ALK: variants seen among roughly 807,000 people sequenced by gnomAD.
The protein encoded by ALK is ALK receptor tyrosine kinase, also known as ALK tyrosine kinase receptor.
A neutral mutation model predicts 163.1 loss-of-function variants in ALK; 74 were observed. That is an observed-to-expected ratio of 0.45 (90% CI 0.38 to 0.55). The LOEUF (loss-of-function observed/expected upper bound fraction) is 0.55. Among genes scored for constraint, ALK ranks in the 20% least tolerant of loss-of-function variants. The pLI is 0.00. For synonymous variants in ALK, 960 were observed against 843.2 expected, an observed-to-expected ratio of 1.14 and a Z score of -2.40; for missense variants, 2,063 against 2,105.3, an observed-to-expected ratio of 0.98 and a Z score of 0.39.
At chr2:29,291,865 A>G (rs1397908047) in intron 9 of ALK, among the ~76,000 whole-genome samples, 2 of 152,230 alleles carry the variant, frequency 1.3e-5, no homozygotes, top group African/African-American at 4.8e-5. Context: ...TGCCTTTCTC[A>G]TCACAGAAAG....
At chr2:29,654,756 T>C (rs1446340034) in intron 3 of ALK, among the ~76,000 whole-genome samples, 12 of 152,146 alleles carry the variant, frequency 7.9e-5, no homozygotes, top group African/African-American at 2.7e-4. Context: ...AATTAAGAGT[T>C]CTTATTTTTA....
At chr2:29,754,724 C>G (rs1680465356) in intron 1 of ALK, among the ~76,000 whole-genome samples, 1 of 151,840 alleles carries the variant, frequency 6.6e-6, no homozygotes, top group Non-Finnish European at 1.5e-5. Context: ...AAGTAGAGCT[C>G]TAAACTTGTC....
intron 3 of ALK, among the ~76,000 whole-genome samples, chr2:29,631,931 A>G (rs1312452642): frequency 6.6e-6 from 1 of 152,240 alleles, no homozygotes; most frequent in Non-Finnish European, 1.5e-5. Context: ...TCACGTGCAC[A>G]TCTCACACAT....
At chr2:29,511,976 T>G (rs1323298087) in intron 4 of ALK, among the ~76,000 whole-genome samples, 1 of 152,204 alleles carries the variant, frequency 6.6e-6, no homozygotes, top group African/African-American at 2.4e-5. Context: ...GATGTAAGTA[T>G]AGCTAATATT....
chr2:29,661,337 C>A (rs1453250115), intron 3 of ALK, among the ~76,000 whole-genome samples: 6 of 152,114 alleles, frequency 3.9e-5, no homozygotes, highest in African/African-American at 1.4e-4. Context: ...TTCTAACAGG[C>A]CAGAAGATTA....
At chr2:29,637,285 T>C (rs1228125217) in intron 3 of ALK, among the ~76,000 whole-genome samples, 1 of 152,162 alleles carries the variant, frequency 6.6e-6, no homozygotes, top group Non-Finnish European at 1.5e-5. Context: ...GTGTGAAAAC[T>C]TAGATACATC....
At chr2:29,714,798 G>A (rs1020711599) in intron 2 of ALK, among the ~76,000 whole-genome samples, 1 of 152,124 alleles carries the variant, frequency 6.6e-6, no homozygotes, top group Non-Finnish European at 1.5e-5. Flanking sequence ...TGTCTTTCAC[G>A]GCAGTTGAAA....
rs1011227544 is a variant in ALK, at chr2:29,752,782, T to C, written c.668-35085A>G. Among the ~76,000 whole-genome samples, 66 of 152,302 alleles carry C rather than the reference T, an allele frequency of 4.3e-4. 1 individual carries two copies. Among genetic ancestry groups the C allele is most frequent in the Non-Finnish European group, 7.1e-4 (48 of 68,016 alleles). On this transcript the variant is annotated intron_variant, in intron 1 of 28. Transcript: ENST00000389048. ...GCAGAATAGCCCTGAAGGTTCTCCT[T>C]CCTGGAAGAAGGAGCAACAGTCTTG...
chr2:29,523,036 G>A (rs1211384878), intron 4 of ALK, among the ~76,000 whole-genome samples: 1 of 152,100 alleles, frequency 6.6e-6, no homozygotes, highest in Non-Finnish European at 1.5e-5. Context: ...CTTTTGTGGA[G>A]AGGGATGGGC....
At chr2:29,336,039 A>AAAAC (rs1017962732) in intron 5 of ALK, among the ~76,000 whole-genome samples, 4 of 152,272 alleles carry the variant, frequency 2.6e-5, no homozygotes, top group South Asian at 2.1e-4. Context: ...ACTGTCTCAA[A>AAAAC]AAACAAACAA....
intron 3 of ALK, among the ~76,000 whole-genome samples, chr2:29,572,373 A>G (rs1340561290): frequency 1.3e-5 from 2 of 152,102 alleles, no homozygotes; most frequent in African/African-American, 4.8e-5. Flanking sequence ...TCAGGATTGA[A>G]CTCAAACTCC....
rs549235760 is a variant in ALK at position 29,823,766 on chromosome 2, C to T, written c.667+96227G>A. The stretch of plus-strand genomic sequence containing the variant: ...AAAACCATTCAGTTTCATAAGGAAG[C>T]AGAGCATAAAAGTTCAGAAAATTTG... On this transcript the variant is annotated intron_variant, in intron 1 of 28. Transcript: ENST00000389048. Among the ~76,000 whole-genome samples the T allele has an allele frequency of 6.4e-4, 97 of 152,216 alleles. 1 individual carries two copies. The highest frequency in any genetic ancestry group is 2.2e-3 in the African/African-American group (91 of 41,536).
At chr2:29,850,126 C>T (rs1193477563) in intron 1 of ALK, among the ~76,000 whole-genome samples, 2 of 152,176 alleles carry the variant, frequency 1.3e-5, no homozygotes, top group Non-Finnish European at 1.5e-5. Context: ...TACACGTCAC[C>T]TGATGGAATA....
At chr2:29,620,466 C>T (rs1358098521) in intron 3 of ALK, among the ~76,000 whole-genome samples, 1 of 130,110 alleles carries the variant, frequency 7.7e-6, no homozygotes, top group African/African-American at 3.1e-5. Flanking sequence ...GGGGTGAGGA[C>T]CTCAACATAT....
At chr2:29,299,395 T>A (rs1666301815) in intron 8 of ALK, among the ~76,000 whole-genome samples, 1 of 152,246 alleles carries the variant, frequency 6.6e-6, no homozygotes, top group African/African-American at 2.4e-5. Context: ...AAATATTTGT[T>A]AAGCACTTAT....
At chr2:29,344,859 A>G (rs1252765072) in intron 5 of ALK, among the ~76,000 whole-genome samples, 1 of 152,118 alleles carries the variant, frequency 6.6e-6, no homozygotes, top group African/African-American at 2.4e-5. Flanking sequence ...AAGAGTGGGT[A>G]AGAATTCTAA....
intron 4 of ALK, among the ~76,000 whole-genome samples, chr2:29,432,390 T>A (rs749954277): frequency 2.6e-5 from 4 of 152,162 alleles, no homozygotes; most frequent in Non-Finnish European, 4.4e-5. Context: ...CCGCCCCTTC[T>A]GCTATGACTG....
chr2:29,437,321 C>CAGATTGTGAGAA (rs1670426588), intron 4 of ALK, among the ~76,000 whole-genome samples: 1 of 152,092 alleles, frequency 6.6e-6, no homozygotes, highest in African/African-American at 2.4e-5. Flanking sequence ...TTGGTTTGAA[C>CAGATTGTGAGAA]ATACGTAATG....
In ALK at chr2:29,532,097, G is replaced by A; in HGVS notation, c.972C>T (p.Asn324=). Residue 324 remains asparagine, a synonymous_variant, in exon 4 of 29, where the codon AAC becomes AAT. Transcript: ENST00000389048. Reference sequence around the variant, plus strand: ...TGGTGTGCTTGGAGTCAGCTGAGGTGTTGAGAAGGAGAAAGGAGCCTGGAA... The same window carrying A: ...TGGTGTGCTTGGAGTCAGCTGAGGTATTGAGAAGGAGAAAGGAGCCTGGAA... The part of the protein sequence containing the change: ...EMPRGSFLLL[N]TSADSKHTIL... 1 of 1,614,108 alleles carries A rather than the reference G, an allele frequency of 6.2e-7. No individual in the cohort carries two copies. Among genetic ancestry groups the A allele is most frequent in the Non-Finnish European group, 8.5e-7 (1 of 1,179,996 alleles).
Sources: gnomAD v4.1 joint callset for allele counts (sites outside exome capture counted in the v4.1 genomes callset) on GRCh38, gnomAD v4.1.1 for gene constraint, MANE v1.5 for transcripts, NCBI Gene and HGNC (gene_info 2026-07-23, HGNC 2026-07-21) for gene names.